XYLT1: variants seen among roughly 807,000 people sequenced by gnomAD.
The protein encoded by XYLT1 is beta-D-xylosyltransferase 1.
A neutral mutation model predicts 91.3 loss-of-function variants in XYLT1; 36 were observed. The observed-to-expected ratio is 0.39, with a 90% confidence interval of 0.30 to 0.52. The LOEUF is 0.52. Among genes scored for constraint, XYLT1 ranks in the 20% least tolerant of loss-of-function variants. XYLT1 has a pLI of 0.68. For missense variants in XYLT1, 1,242 were observed against 1,284.5 expected (o/e 0.97, Z 0.51); for synonymous variants, 588 against 532.0 (o/e 1.11, Z -1.45).
At chr16:17,216,916 C>G (rs183745007) in intron 3 of XYLT1, among the ~76,000 whole-genome samples, 1 of 152,198 alleles carries the variant, frequency 6.6e-6, no homozygotes, top group Non-Finnish European at 1.5e-5. Context: ...ACAACAGCAA[C>G]GAGCAGCAAT....
intron 1 of XYLT1, among the ~76,000 whole-genome samples, chr16:17,432,602 C>G (rs989278213): frequency 6.6e-6 from 1 of 152,116 alleles, no homozygotes; most frequent in African/African-American, 2.4e-5. Context: ...GTTGGTTGCA[C>G]AGCTCAGTAA....
At chr16:17,263,518 A>G (rs2033754421) in intron 2 of XYLT1, among the ~76,000 whole-genome samples, 1 of 151,864 alleles carries the variant, frequency 6.6e-6, no homozygotes, top group Non-Finnish European at 1.5e-5. Context: ...TTTGAGTATA[A>G]GAGGGAAGGA....
At chr16:17,228,630 G>A (rs1426458851) in intron 3 of XYLT1, among the ~76,000 whole-genome samples, 1 of 152,158 alleles carries the variant, frequency 6.6e-6, no homozygotes, top group Non-Finnish European at 1.5e-5. Context: ...CTGATCGGTG[G>A]AGGCTTGTGA....
At chr16:17,340,178 C>T (rs1388973133) in intron 2 of XYLT1, among the ~76,000 whole-genome samples, 1 of 151,906 alleles carries the variant, frequency 6.6e-6, no homozygotes, top group Non-Finnish European at 1.5e-5. Flanking sequence ...ATCCATCCAT[C>T]TGATTCAATC....
intron 6 of XYLT1, among the ~76,000 whole-genome samples, chr16:17,154,114 C>T (rs117632955): frequency 7.9e-5 from 12 of 152,300 alleles, no homozygotes; most frequent in East Asian, 7.7e-4. Context: ...ATGCGCCCAG[C>T]GTGGGGCCTT....
chr16:17,212,822 A>G (rs2032785557), intron 3 of XYLT1, among the ~76,000 whole-genome samples: 1 of 152,202 alleles, frequency 6.6e-6, no homozygotes, highest in Non-Finnish European at 1.5e-5. Flanking sequence ...GGTACATTTC[A>G]CTGCAATTCA....
intron 2 of XYLT1, among the ~76,000 whole-genome samples, chr16:17,287,877 A>G (rs546656031): frequency 6.6e-6 from 1 of 152,136 alleles, no homozygotes; most frequent in Non-Finnish European, 1.5e-5. Flanking sequence ...TCACTTAGGA[A>G]AAAAGATTAA....
chr16:17,222,763 C>G (rs1195145284), intron 3 of XYLT1, among the ~76,000 whole-genome samples: 2 of 146,396 alleles, frequency 1.4e-5, no homozygotes, highest in Non-Finnish European at 3.0e-5. Context: ...GCACTCCAGC[C>G]TGGGTGACAG....
chr16:17,322,038 T>C (rs1433435059), intron 2 of XYLT1, among the ~76,000 whole-genome samples: 3 of 152,140 alleles, frequency 2.0e-5, no homozygotes, highest in Non-Finnish European at 4.4e-5. Flanking sequence ...ATAATGACAA[T>C]AGCCACTACT....
At chr16:17,136,733 T>C (rs542488901) in intron 8 of XYLT1, among the ~76,000 whole-genome samples, 7 of 152,266 alleles carry the variant, frequency 4.6e-5, no homozygotes, top group Non-Finnish European at 8.8e-5. Flanking sequence ...GCGCAAGAAC[T>C]CTGAGTTCCT....
intron 10 of XYLT1, among the ~76,000 whole-genome samples, chr16:17,125,928 C>A (rs1463707083): frequency 6.6e-6 from 1 of 152,058 alleles, no homozygotes; most frequent in Non-Finnish European, 1.5e-5. Flanking sequence ...CATGAGATTC[C>A]CATGTATTGG....
intron 1 of XYLT1, among the ~76,000 whole-genome samples, chr16:17,444,846 G>C (rs530102056): frequency 6.6e-6 from 1 of 151,928 alleles, no homozygotes; most frequent in Non-Finnish European, 1.5e-5. Flanking sequence ...TCAAAATACA[G>C]ACTGAGGGAA....
chr16:17,349,902 C>A (rs975733207), intron 2 of XYLT1, among the ~76,000 whole-genome samples: 1 of 151,506 alleles, frequency 6.6e-6, no homozygotes, highest in African/African-American at 2.4e-5. Context: ...TAGACGGAGT[C>A]TCGCTCTGTT....
At chr16:17,207,059 T>C (rs866679827) in intron 3 of XYLT1, among the ~76,000 whole-genome samples, 4,851 of 146,418 alleles carry the variant, frequency 0.033, 129 homozygotes, top group African/African-American at 0.062. Context: ...TTTCTTTTTT[T>C]TTTTTTTTTT....
At chr16:17,321,192 T>C (rs1017780304) in intron 2 of XYLT1, among the ~76,000 whole-genome samples, 1 of 151,904 alleles carries the variant, frequency 6.6e-6, no homozygotes, top group Non-Finnish European at 1.5e-5. Context: ...CCCCGGGTGA[T>C]TCCAACATGA....
chr16:17,457,243 T>C (rs1282131901), intron 1 of XYLT1, among the ~76,000 whole-genome samples: 1 of 152,210 alleles, frequency 6.6e-6, no homozygotes, highest in Non-Finnish European at 1.5e-5. Flanking sequence ...ATGCTGTCAT[T>C]ATTCCATCTG....
chr16:17,253,823 T>TGAGAGAGAGAGAGAGA lies in XYLT1; in HGVS notation c.913+5149_913+5164dup, dbSNP rs3060128. ...CCCTGCCTTCTTCTCCCTTGCAACT[T>TGAGAGAGAGAGAGAGA]GAGAGAGAGAGAGAGAGAGAGAGAG... On this transcript the variant is annotated intron_variant, in intron 3 of 11. Transcript: ENST00000261381. 2.3e-3 allele frequency among the ~76,000 whole-genome samples: 268 copies of TGAGAGAGAGAGAGAGA among 114,832 alleles called. 3 individuals carry two copies. Among genetic ancestry groups the TGAGAGAGAGAGAGAGA allele is most frequent in the Admixed American group, 0.012 (136 of 10,894 alleles). 75.3% of individuals were successfully genotyped at this position (114,832 alleles called of 152,430 possible).
chr16:17,218,135 G>A (rs1477408362), intron 3 of XYLT1, among the ~76,000 whole-genome samples: 1 of 151,940 alleles, frequency 6.6e-6, no homozygotes, highest in Non-Finnish European at 1.5e-5. Flanking sequence ...GTGCGCGCCT[G>A]TAGTTTCAGC....
intron 1 of XYLT1, among the ~76,000 whole-genome samples, chr16:17,392,779 G>C (rs1243828461): frequency 6.6e-6 from 1 of 152,080 alleles, no homozygotes; most frequent in Non-Finnish European, 1.5e-5. Flanking sequence ...TCAGAGGTAT[G>C]GGACAAAGAC....
Sources: allele counts gnomAD v4.1 joint callset (sites outside exome capture counted in the v4.1 genomes callset), GRCh38; gene constraint gnomAD v4.1.1; transcripts MANE v1.5; gene names NCBI Gene and HGNC (gene_info 2026-07-23, HGNC 2026-07-21).